Variants in ZNF865 observed in about 807,000 individuals in gnomAD.
ZNF865 encodes zinc finger protein 865.
For missense variants in ZNF865, 1,311 were observed against 1,593.4 expected (o/e 0.82, Z 3.02); for synonymous variants, 763 against 750.8 (o/e 1.02, Z -0.27).
Position 55,613,870 on chromosome 19 carries a change from C to T in ZNF865, c.252C>T (p.Thr84=). The stretch of plus-strand genomic sequence containing the variant: ...AGTATGACTACCCGCCCCAGTCCAC[C>T]TTCAAGCCCAAGGCGGAGGTGCCCT... ...PPQYDYPPQS[T]FKPKAEVPSS... is the part of the protein sequence containing the mutation. The change falls in exon 2 of 2, where the codon ACC becomes ACT. Residue 84 remains threonine, a synonymous_variant. Transcript: ENST00000568956. 1 of 1,505,834 alleles carries T rather than the reference C, an allele frequency of 6.6e-7. No homozygotes were observed. The allele number at this position is 1,505,834 out of a possible 1,614,324, so 93.3% of individuals were successfully genotyped here. A position where few individuals can be genotyped will look rare whatever the true frequency, so the allele number is the denominator to read the frequency against.
intron 1 of ZNF865, among the ~76,000 whole-genome samples, chr19:55,609,846 A>G (rs1981069263): frequency 1.3e-5 from 2 of 152,122 alleles, no homozygotes; most frequent in Admixed American, 1.3e-4. Context: ...AAACCCTCCT[A>G]TGACATCCCC....
intron 1 of ZNF865, among the ~76,000 whole-genome samples, chr19:55,610,449 C>T (rs1451542375): frequency 1.3e-5 from 2 of 152,106 alleles, no homozygotes; most frequent in African/African-American, 2.4e-5. Flanking sequence ...TTAGTAGAGA[C>T]GGGGTTTCGC....
In ZNF865 at chr19:55,616,058, C is replaced by A; in HGVS notation, c.2440C>A (p.His814Asn). ...GGGCCTCGTGACTCACAAGTACGTG[C>A]ACCTGGTGCGACGGACCCTGGGCTG... Reference protein sequence around the residue: ...FLGLVTHKYVHLVRRTLGCGL... With the variant: ...FLGLVTHKYVNLVRRTLGCGL... Residue 814 changes from histidine (H) to asparagine (N), a missense_variant, in exon 2 of 2, where the codon CAC (histidine) becomes AAC (asparagine). Transcript: ENST00000568956. 6.6e-7 allele frequency: 1 copy of A among 1,518,160 alleles called. No homozygotes were observed. The highest frequency in any genetic ancestry group is 8.8e-7 in the Non-Finnish European group (1 of 1,138,266). The allele number at this position is 1,518,160 out of a possible 1,614,324, so 94.0% of individuals were successfully genotyped here. A position where few individuals can be genotyped will look rare whatever the true frequency, so the allele number is the denominator to read the frequency against.
chr19:55,615,932 G>C lies in ZNF865; in HGVS notation c.2314G>C (p.Asp772His), dbSNP rs1264910264. 1 of 1,502,536 alleles carries C rather than the reference G, an allele frequency of 6.7e-7. No individual in the cohort carries two copies. The highest frequency in any genetic ancestry group is 8.8e-7 in the Non-Finnish European group (1 of 1,131,582). The allele number at this position is 1,502,536 out of a possible 1,614,324, so 93.1% of individuals were successfully genotyped here. The change falls in exon 2 of 2, where the codon GAC (aspartate) becomes CAC (histidine). Residue 772 changes from aspartate to histidine, a missense_variant. By Grantham distance (81) the Asp-to-His change is moderately conservative. Coordinates refer to ENST00000568956, the MANE Select transcript of ZNF865 (RefSeq NM_001195605.2). ...ACTGGCAGGGGTGTCTGGGGGTGAG[G>C]ACGCAGGCGGGGCGGCGGTGGCAGG... Reference protein sequence around the residue: ...AALAGVSGGEDAGGAAVAGAG... With the variant: ...AALAGVSGGEHAGGAAVAGAG...
intron 1 of ZNF865, among the ~76,000 whole-genome samples, chr19:55,606,174 C>T (rs1980933936): frequency 6.6e-6 from 1 of 152,166 alleles, no homozygotes; most frequent in Non-Finnish European, 1.5e-5. Context: ...TGCAGCAGAA[C>T]TGTCCCCCGT....
intron 1 of ZNF865, among the ~76,000 whole-genome samples, chr19:55,610,566 T>G (rs952496860): frequency 8.5e-5 from 13 of 152,200 alleles, no homozygotes; most frequent in African/African-American, 2.4e-4. Flanking sequence ...TGGCCAGCAT[T>G]TTCTAATGTA....
Position 55,611,346 on chromosome 19 carries a change from C to A in ZNF865, c.-26-2247C>A, listed in dbSNP as rs1487013149. 6.6e-6 allele frequency among the ~76,000 whole-genome samples: 1 copy of A among 152,100 alleles called. No homozygotes were observed. The highest frequency in any genetic ancestry group is 1.5e-5 in the Non-Finnish European group (1 of 68,016). ...TCTTTCCCCAAACACTCTTGCCCTC[C>A]CTCCCCATAGCGCCCTAAATCACCC... On this transcript the variant is annotated intron_variant, in intron 1 of 1. Coordinates refer to ENST00000568956, the MANE Select transcript of ZNF865 (RefSeq NM_001195605.2). This position sits in a 1 kb window ranked among gnomAD's most constrained non-coding sequence, Gnocchi z 4.5.
In ZNF865 at chr19:55,615,780, C is replaced by G. The variant is rs890132061; in HGVS notation, c.2162C>G (p.Ala721Gly). The G allele has an allele frequency of 6.6e-7, 1 of 1,523,226 alleles. No homozygotes were observed. Among genetic ancestry groups the G allele is most frequent in the African/African-American group, 1.4e-5 (1 of 71,590 alleles). The allele number at this position is 1,523,226 out of a possible 1,614,324, so 94.4% of individuals were successfully genotyped here. Residue 721 changes from alanine to glycine, a missense_variant, in exon 2 of 2, where the codon GCC (alanine) becomes GGC (glycine). Ala to Gly is a moderately conservative substitution (Grantham distance 60, BLOSUM62 0). Coordinates refer to ENST00000568956, the MANE Select transcript of ZNF865 (RefSeq NM_001195605.2). ...ATGTGGCACAAGCTGGTCCACCAGGCCGCCCCCGAGCGCCTGCTCCCGCCC... is the reference window on the plus strand; with the variant it reads ...ATGTGGCACAAGCTGGTCCACCAGGGCGCCCCCGAGCGCCTGCTCCCGCCC... ...NLMWHKLVHQ[A>G]APERLLPPAP...
In ZNF865 at chr19:55,615,839, A is replaced by G. The variant is rs1235655500; in HGVS notation, c.2221A>G (p.Ser741Gly). ...CGGCCTGCAGCCCCCGGACGGCTCC[A>G]GCGGCACGGATGCGGCCAGCGTGCT... Reference protein sequence around the residue: ...PGGLQPPDGSSGTDAASVLDN... With the variant: ...PGGLQPPDGSGGTDAASVLDN... The change falls in exon 2 of 2, where the codon AGC (serine) becomes GGC (glycine). Residue 741 changes from serine (S) to glycine (G), a missense_variant. Ser to Gly is a moderately conservative substitution (Grantham distance 56, BLOSUM62 0). Transcript: ENST00000568956. 3.3e-6 allele frequency: 5 copies of G among 1,502,030 alleles called. No homozygotes were observed. The South Asian group carries it at 5.0e-5, about 15-fold the overall frequency. The allele number at this position is 1,502,030 out of a possible 1,614,324, so 93.0% of individuals were successfully genotyped here. A position where few individuals can be genotyped will look rare whatever the true frequency, so the allele number is the denominator to read the frequency against.
rs1179093262 is a variant in ZNF865 at position 55,616,800 on chromosome 19, C to T, written c.*2C>T. ...ACCTTGGCCGGGAAGGATGCCTGAC[C>T]GAGGGGTTCCCATCCCACTCCCATC... On this transcript the variant is annotated 3_prime_UTR_variant, in exon 2 of 2. Transcript: ENST00000568956. 1.2e-5 allele frequency: 17 copies of T among 1,440,348 alleles called. No individual in the cohort carries two copies. The highest frequency in any genetic ancestry group is 2.5e-5 in the East Asian group (1 of 39,618). 89.2% of individuals were successfully genotyped at this position (1,440,348 alleles called of 1,614,324 possible).
rs1348468043 is a variant in ZNF865, at chr19:55,611,157, A to T, written c.-26-2436A>T. 1.3e-5 allele frequency among the ~76,000 whole-genome samples: 2 copies of T among 152,130 alleles called. No homozygotes were observed. The highest frequency in any genetic ancestry group is 2.9e-5 in the Non-Finnish European group (2 of 68,020). The stretch of plus-strand genomic sequence containing the variant: ...TTGCCTCTCCATGCCTTAGTTTTCT[A>T]ATTTATCCAACGGCGGGAACAGCTG... On this transcript the variant is annotated intron_variant, in intron 1 of 1. Transcript: ENST00000568956. The surrounding 1 kb of genome is among the most constrained non-coding windows in gnomAD (Gnocchi z 4.5).
chr19:55,616,654 G>C lies in ZNF865; in HGVS notation c.3036G>C (p.Gln1012His). The part of the protein sequence containing the change: ...GYFRKHLAAH[Q>H]GGRPFRCSSC... ...TCCGTAAGCACCTGGCTGCCCACCA[G>C]GGCGGCCGGCCCTTCCGCTGCTCCT... Residue 1012 changes from glutamine to histidine, a missense_variant, in exon 2 of 2, where the codon CAG becomes CAC. Gln to His is a conservative substitution (Grantham distance 24, BLOSUM62 0). Transcript: ENST00000568956. 1 of 1,529,428 alleles carries C rather than the reference G, an allele frequency of 6.5e-7. No homozygotes were observed. Among genetic ancestry groups the C allele is most frequent in the Non-Finnish European group, 8.7e-7 (1 of 1,143,794 alleles). The allele number at this position is 1,529,428 out of a possible 1,614,324, so 94.7% of individuals were successfully genotyped here. A position where few individuals can be genotyped will look rare whatever the true frequency, so the allele number is the denominator to read the frequency against.
intron 1 of ZNF865, chr19:55,612,769 A>G (rs1484838801): frequency 6.6e-6 from 1 of 152,352 alleles, no homozygotes; most frequent in Non-Finnish European, 1.5e-5. Context: ...TGAGGTAGGC[A>G]TGTGCTTTGT....
Position 55,616,184 on chromosome 19 carries a change from C to T in ZNF865, c.2566C>T (p.Arg856Cys). The T allele has an allele frequency of 6.6e-7, 1 of 1,518,556 alleles. No homozygotes were observed. The allele number at this position is 1,518,556 out of a possible 1,614,324, so 94.1% of individuals were successfully genotyped here. Residue 856 changes from arginine to cysteine, a missense_variant, in exon 2 of 2, where the codon CGC (arginine) becomes TGC (cysteine). Coordinates refer to ENST00000568956, the MANE Select transcript of ZNF865 (RefSeq NM_001195605.2). The stretch of plus-strand genomic sequence containing the variant: ...TTTCCGCTGCCCGGTGTGCGGGAAG[C>T]GCTTCTGGGAGGCGGCCCTGCTGAT... ...RGFRCPVCGKRFWEAALLMRH... is the reference protein window; with the variant it reads ...RGFRCPVCGKCFWEAALLMRH...
chr19:55,605,900 T>A (rs112910513), intron 1 of ZNF865, among the ~76,000 whole-genome samples, 168 bp downstream of exon 1: 1 of 152,096 alleles, frequency 6.6e-6, no homozygotes, highest in South Asian at 2.1e-4. Flanking sequence ...GTAGGATCAC[T>A]GCAGATAGCT....
chr19:55,614,314 C>G lies in ZNF865; in HGVS notation c.696C>G (p.Ser232=), dbSNP rs114179199. 5,583 of 1,506,332 alleles carry G rather than the reference C, an allele frequency of 3.7e-3. 180 individuals carry two copies. In the African/African-American group the frequency reaches 0.071, roughly 19 times the overall value. The allele number at this position is 1,506,332 out of a possible 1,614,324, so 93.3% of individuals were successfully genotyped here. A position where few individuals can be genotyped will look rare whatever the true frequency, so the allele number is the denominator to read the frequency against. The change falls in exon 2 of 2, where the codon TCC becomes TCG. Residue 232 remains serine, a synonymous_variant. Transcript: ENST00000568956. This position sits in a 1 kb window ranked among gnomAD's most constrained non-coding sequence, Gnocchi z 8.0. ...RRFPCGVCQK[S]FKQSSHLVQH... Reference sequence around the variant, plus strand: ...TCCCCTGCGGCGTGTGCCAGAAGTCCTTCAAGCAGTCCTCGCACCTGGTCC... The same window carrying G: ...TCCCCTGCGGCGTGTGCCAGAAGTCGTTCAAGCAGTCCTCGCACCTGGTCC...
chr19:55,615,139 GGCGGCC>G lies in ZNF865; in HGVS notation c.1527_1532del (p.Ala511_Ala512del). ...CCACCACAGACAGCGAGAAGGCGGCGGCGGCCGCGGCGGCGGTGGTGTACGGCGCTG... is the reference window on the plus strand; with the variant it reads ...CCACCACAGACAGCGAGAAGGCGGCGGCGGCGGCGGTGGTGTACGGCGCTG... On this transcript the variant is annotated inframe_deletion, in exon 2 of 2. Transcript: ENST00000568956. The G allele has an allele frequency of 8.4e-7, 1 of 1,192,714 alleles. No homozygotes were observed. 73.9% of individuals were successfully genotyped at this position (1,192,714 alleles called of 1,614,324 possible). A position where few individuals can be genotyped will look rare whatever the true frequency, so the allele number is the denominator to read the frequency against.
At position 55,614,257 on chromosome 19, in the gene ZNF865, C is replaced by A; in HGVS notation, c.639C>A (p.Phe213Leu). ...CDPTKDDKGY[F>L]RRLKYLMERR... is the part of the protein sequence containing the mutation. Reference sequence around the variant, plus strand: ...CCACCAAGGACGACAAGGGCTACTTCCGGAGACTGAAGTACCTGATGGAGC... The same window carrying A: ...CCACCAAGGACGACAAGGGCTACTTACGGAGACTGAAGTACCTGATGGAGC... The change falls in exon 2 of 2, where the codon TTC becomes TTA. Residue 213 changes from phenylalanine (F) to leucine (L), a missense_variant. Phe to Leu is a conservative substitution (Grantham distance 22). Transcript: ENST00000568956. The surrounding 1 kb of genome is among the most constrained non-coding windows in gnomAD (Gnocchi z 8.0). The A allele has an allele frequency of 1.3e-6, 2 of 1,515,756 alleles. No individual in the cohort carries two copies. The highest frequency in any genetic ancestry group is 1.8e-6 in the Non-Finnish European group (2 of 1,137,454). The allele number at this position is 1,515,756 out of a possible 1,614,324, so 93.9% of individuals were successfully genotyped here.
chr19:55,614,989 CCG>C lies in ZNF865; in HGVS notation c.1373_1374del (p.Arg458ProfsTer111). ...KSYSAPQSLL[R>X]HKAAHAPPAA... The stretch of plus-strand genomic sequence containing the variant: ...CCTACTCGGCTCCGCAGAGCCTGCT[CCG>C]CCACAAGGCCGCCCACGCCCCGCCC... On this transcript the variant is annotated frameshift_variant, in exon 2 of 2. Transcript: ENST00000568956. LOFTEE classifies it low-confidence loss of function (END_TRUNC). The surrounding 1 kb of genome is among the most constrained non-coding windows in gnomAD (Gnocchi z 8.0). The C allele has an allele frequency of 7.1e-7, 1 of 1,418,048 alleles. No homozygotes were observed. The highest frequency in any genetic ancestry group is 1.4e-5 in the South Asian group (1 of 69,074). 87.8% of individuals were successfully genotyped at this position (1,418,048 alleles called of 1,614,324 possible).
Sources: gnomAD v4.1 joint callset for allele counts (sites outside exome capture counted in the v4.1 genomes callset) on GRCh38, gnomAD v4.1.1 for gene constraint, Gnocchi (gnomAD v3.1) non-coding constraint, MANE v1.5 for transcripts, NCBI Gene and HGNC (gene_info 2026-07-23, HGNC 2026-07-21) for gene names.